NLGN1: variants seen among roughly 807,000 people sequenced by gnomAD.
The protein encoded by NLGN1 is neuroligin-1.
Under a neutral mutation model 65.5 loss-of-function variants are expected in NLGN1, and 12 were observed. That is an observed-to-expected ratio of 0.18 (90% CI 0.12 to 0.30). The LOEUF (loss-of-function observed/expected upper bound fraction) is 0.30. NLGN1 is among the 10% of genes least tolerant of loss of function. NLGN1 has a pLI of 1.00. For missense variants in NLGN1, 750 were observed against 1,007.1 expected (o/e 0.74, Z 3.46); for synonymous variants, 350 against 359.5 (o/e 0.97, Z 0.30).
At chr3:174,055,150 CTT>C (rs113474137) in intron 4 of NLGN1, among the ~76,000 whole-genome samples, 6,181 of 117,492 alleles carry the variant, frequency 0.053, 200 homozygotes, top group African/African-American at 0.13. Flanking sequence ...AAGGAGCTTG[CTT>C]TTTTTTTTTT....
intron 3 of NLGN1, among the ~76,000 whole-genome samples, chr3:173,776,238 C>T (rs1026895613): frequency 6.6e-6 from 1 of 151,970 alleles, no homozygotes; most frequent in Admixed American, 6.6e-5. Context: ...TGTTTTAGTA[C>T]CACCTATCAT....
chr3:173,803,236 TTATTTTAAAAATTTAAGAAG>T (rs1262391817), intron 3 of NLGN1, among the ~76,000 whole-genome samples: 12 of 152,314 alleles, frequency 7.9e-5, no homozygotes, highest in South Asian at 2.1e-4. Context: ...TTCTACCAAC[TTATTTTAAAAATTTAAGAAG>T]TATTTTAAAA....
intron 2 of NLGN1, among the ~76,000 whole-genome samples, chr3:173,503,491 C>T (rs537839935): frequency 2.4e-4 from 36 of 152,080 alleles, no homozygotes; most frequent in Non-Finnish European, 2.9e-4. Flanking sequence ...TTTATAAAAA[C>T]GAAGTTGTAC....
rs200145514 is a variant in NLGN1, at chr3:174,105,634, A to G, written c.647-169681A>G. Among the ~76,000 whole-genome samples, 3 of 142,606 alleles carry G rather than the reference A, an allele frequency of 2.1e-5. No homozygotes were observed. In the East Asian group the frequency reaches 5.8e-4, roughly 28 times the overall value. 93.6% of individuals were successfully genotyped at this position (142,606 alleles called of 152,430 possible). ...CACCAGATCATGTTTATTCAGGACA[A>G]TTGTCTTCACCATACTGAGAGATTT... On this transcript the variant is annotated intron_variant, in intron 4 of 6. Transcript: ENST00000457714.
At chr3:173,750,106 T>A (rs1776107191) in intron 3 of NLGN1, among the ~76,000 whole-genome samples, 1 of 152,098 alleles carries the variant, frequency 6.6e-6, no homozygotes, top group South Asian at 2.1e-4. Context: ...ATAGGCTTCC[T>A]TCCCTGGTGG....
intron 3 of NLGN1, among the ~76,000 whole-genome samples, chr3:173,676,531 G>C (rs991423907): frequency 1.3e-5 from 2 of 151,832 alleles, no homozygotes; most frequent in Non-Finnish European, 2.9e-5. Context: ...TCTCTATAAA[G>C]GTAATATGGT....
chr3:173,847,396 A>G (rs1322576700), intron 4 of NLGN1, among the ~76,000 whole-genome samples: 2 of 152,174 alleles, frequency 1.3e-5, no homozygotes, highest in Admixed American at 6.5e-5. Flanking sequence ...TACCAAATGC[A>G]AATTAGACAC....
chr3:173,967,933 A>G (rs1484480815), intron 4 of NLGN1, among the ~76,000 whole-genome samples: 1 of 152,178 alleles, frequency 6.6e-6, no homozygotes, highest in Admixed American at 6.5e-5. Flanking sequence ...ATTCAAGTTT[A>G]ATTTTATCCC....
chr3:173,695,755 G>A (rs1766121128), intron 3 of NLGN1, among the ~76,000 whole-genome samples: 1 of 152,108 alleles, frequency 6.6e-6, no homozygotes, highest in Non-Finnish European at 1.5e-5. Context: ...ATAAAACTTT[G>A]CACAATTTAG....
At chr3:173,664,119 G>T (rs1761365752) in intron 3 of NLGN1, among the ~76,000 whole-genome samples, 1 of 151,986 alleles carries the variant, frequency 6.6e-6, no homozygotes, top group South Asian at 2.1e-4. Context: ...ATATGAAACA[G>T]TTGGACTGGA....
At chr3:173,787,237 G>T (rs1364909535) in intron 3 of NLGN1, among the ~76,000 whole-genome samples, 1 of 152,036 alleles carries the variant, frequency 6.6e-6, no homozygotes, top group Non-Finnish European at 1.5e-5. Context: ...AACATCTCTT[G>T]CCTAAAGTCA....
intron 1 of NLGN1, among the ~76,000 whole-genome samples, chr3:173,405,996 T>C (rs1718571621): frequency 6.6e-6 from 1 of 152,162 alleles, no homozygotes; most frequent in Admixed American, 6.6e-5. Context: ...TACTGTAAGC[T>C]GGTAAGCTTA....
At chr3:174,271,219 AG>A (rs1191908958) in intron 4 of NLGN1, among the ~76,000 whole-genome samples, 1 of 151,890 alleles carries the variant, frequency 6.6e-6, no homozygotes, top group East Asian at 1.9e-4. Flanking sequence ...TTAAAAAAGA[AG>A]GAAGCACAGC....
At position 174,146,090 on chromosome 3, in the gene NLGN1, TCTTTTCCTTCCTTC is replaced by T. The variant is rs1333591825; in HGVS notation, c.647-129221_647-129208del. On this transcript the variant is annotated intron_variant, in intron 4 of 6. Coordinates refer to ENST00000457714, the Ensembl canonical transcript of NLGN1. ...AATATAACCTATTAATCTATTCTACTCTTTTCCTTCCTTCCTTCCTTCCTTCCTTCCTTCCTTCC... is the reference window on the plus strand; with the variant it reads ...AATATAACCTATTAATCTATTCTACTCTTCCTTCCTTCCTTCCTTCCTTCC... Among the ~76,000 whole-genome samples the T allele has an allele frequency of 2.7e-4, 40 of 150,150 alleles. No homozygotes were observed. The East Asian group carries it at 7.1e-3, about 27-fold the overall frequency.
At chr3:174,076,322 G>T (rs1300539845) in intron 4 of NLGN1, among the ~76,000 whole-genome samples, 2 of 152,006 alleles carry the variant, frequency 1.3e-5, no homozygotes, top group African/African-American at 4.8e-5. Context: ...AACAAAGTCT[G>T]TAAGAATTAG....
intron 4 of NLGN1, among the ~76,000 whole-genome samples, chr3:174,226,840 T>C (rs1421238955): frequency 2.0e-5 from 3 of 152,184 alleles, no homozygotes; most frequent in East Asian, 1.9e-4. Context: ...TCTATCCAAA[T>C]TGGCAGTTCA....
chr3:173,432,625 A>G (rs1464573916), intron 1 of NLGN1, among the ~76,000 whole-genome samples: 2 of 151,994 alleles, frequency 1.3e-5, no homozygotes, highest in Admixed American at 1.3e-4. Context: ...TTTTGGATGA[A>G]TCTTTTATCA....
intron 1 of NLGN1, among the ~76,000 whole-genome samples, chr3:173,404,888 T>C (rs760186978): frequency 1.9e-4 from 29 of 152,276 alleles, no homozygotes; most frequent in Non-Finnish European, 3.7e-4. Context: ...TTATTCACAC[T>C]GTGGAAAGAA....
intron 4 of NLGN1, among the ~76,000 whole-genome samples, chr3:173,861,515 C>CGT (rs145812733): frequency 0.018 from 2,608 of 141,390 alleles, 62 homozygotes; most frequent in East Asian, 0.069. Flanking sequence ...GTAGCTGGCA[C>CGT]GTGTGTGTGT....
Sources: allele counts gnomAD v4.1 joint callset (sites outside exome capture counted in the v4.1 genomes callset), GRCh38; gene constraint gnomAD v4.1.1; transcripts MANE v1.5; gene names NCBI Gene and HGNC (gene_info 2026-07-23, HGNC 2026-07-21).